The following ATP10B variants were observed in gnomAD, a reference collection of about 807,000 sequenced individuals.
ATP10B encodes phospholipid-transporting ATPase VB.
In ATP10B, 122 loss-of-function variants were observed where a neutral mutation model predicts 141.2. That is an observed-to-expected ratio of 0.86 (90% CI 0.75 to 1.00). ATP10B has a LOEUF of 1.00. Among genes scored for constraint, ATP10B ranks in the 50% least tolerant of loss-of-function variants. The probability of loss-of-function intolerance (pLI) is 0.00; values close to 1 mark genes in which losing one functional copy is unlikely to be tolerated. For missense variants in ATP10B, 1,876 were observed against 1,825.3 expected (o/e 1.03, Z -0.51); for synonymous variants, 685 against 692.0 (o/e 0.99, Z 0.16).
At chr5:160,798,702 C>G (rs1412409806) in intron 1 of ATP10B, among the ~76,000 whole-genome samples, 1 of 151,568 alleles carries the variant, frequency 6.6e-6, no homozygotes, top group East Asian at 1.9e-4. Flanking sequence ...CATGGCAGCC[C>G]TAGGAAACTA....
intron 2 of ATP10B, among the ~76,000 whole-genome samples, chr5:160,728,886 G>A (rs879338684): frequency 6.6e-6 from 1 of 152,186 alleles, no homozygotes; most frequent in Non-Finnish European, 1.5e-5. Flanking sequence ...CACTGGGCTG[G>A]GACAGCAGGA....
chr5:160,914,062 A>C, the ATP10B span, among the ~76,000 whole-genome samples: 1 of 152,366 alleles, frequency 6.6e-6, no homozygotes, highest in Admixed American at 6.5e-5. Flanking sequence ...AGGTTGAAAA[A>C]GTAAAATTCT....
chr5:160,639,528 C>T (rs1759668690), intron 10 of ATP10B, among the ~76,000 whole-genome samples: 1 of 152,078 alleles, frequency 6.6e-6, no homozygotes, highest in Admixed American at 6.6e-5. Flanking sequence ...ACTCTGAAGA[C>T]TGAGGAAGGA....
chr5:160,668,204 TG>T (rs1762440003), intron 7 of ATP10B, among the ~76,000 whole-genome samples: 2 of 129,016 alleles, frequency 1.6e-5, no homozygotes, highest in Admixed American at 1.8e-4. Context: ...TACTCTAGCT[TG>T]GGTAACAGAG....
chr5:160,910,628 C>T, the ATP10B span, among the ~76,000 whole-genome samples: 4 of 152,286 alleles, frequency 2.6e-5, no homozygotes, highest in African/African-American at 9.6e-5. Context: ...TGTATTTCAT[C>T]ACCAAGACTG....
chr5:160,868,204 T>C, the ATP10B span, among the ~76,000 whole-genome samples: 1 of 152,132 alleles, frequency 6.6e-6, no homozygotes. Flanking sequence ...TAGCAGCTAA[T>C]TTTGCACAAA....
chr5:160,824,459 G>A (rs1331762213), intron 1 of ATP10B, among the ~76,000 whole-genome samples: 1 of 152,216 alleles, frequency 6.6e-6, no homozygotes, highest in East Asian at 1.9e-4. Flanking sequence ...AGAAGGTCAT[G>A]TCTTCTTTGA....
the ATP10B span, among the ~76,000 whole-genome samples, chr5:160,886,244 A>C: frequency 6.6e-6 from 1 of 152,248 alleles, no homozygotes; most frequent in African/African-American, 2.4e-5. Flanking sequence ...ACATGGGTGC[A>C]CAGAGAAAAT....
At chr5:160,596,175 A>G (rs576594170) in intron 22 of ATP10B, among the ~76,000 whole-genome samples, 2 of 152,364 alleles carry the variant, frequency 1.3e-5, no homozygotes, top group South Asian at 2.1e-4. Context: ...CCAGCAGCAC[A>G]TCAAAAAACT....
Position 160,625,833 on chromosome 5 carries a change from T to C in ATP10B, c.1621-3248A>G, listed in dbSNP as rs554555408. 1.2e-3 allele frequency among the ~76,000 whole-genome samples: 176 copies of C among 152,322 alleles called. 2 individuals carry two copies. The highest frequency in any genetic ancestry group is 4.0e-3 in the African/African-American group (167 of 41,546). On this transcript the variant is annotated intron_variant, in intron 13 of 25. Coordinates refer to ENST00000327245, the MANE Select transcript of ATP10B (RefSeq NM_025153.3). ...TTTGTTAACTGACTCCTTTCTAGGA[T>C]ACCACAATAGCTCACCACTGATTAA...
chr5:160,598,774 G>T lies in ATP10B; in HGVS notation c.3560C>A (p.Ser1187Tyr). The change falls in exon 22 of 26, where the codon TCT becomes TAT. Residue 1187 changes from serine (S) to tyrosine (Y), a missense_variant. Transcript: ENST00000327245. ...TTGGCTGCCCGATCTCCTTACCTCA[G>T]AGTTCTGGCCACTCTTGTATAGCTC... ...LPELYKSGQNSECYNLSTFWI... is the reference protein window; with the variant it reads ...LPELYKSGQNYECYNLSTFWI... The T allele has an allele frequency of 2.5e-6, 4 of 1,614,022 alleles. No homozygotes were observed. The highest frequency in any genetic ancestry group is 3.4e-6 in the Non-Finnish European group (4 of 1,179,948).
intron 2 of ATP10B, among the ~76,000 whole-genome samples, chr5:160,740,419 A>G (rs140214633): frequency 5.6e-4 from 85 of 152,280 alleles, no homozygotes; most frequent in African/African-American, 1.8e-3. Flanking sequence ...AAAGCATTCC[A>G]TTCCATTTTG....
chr5:160,872,853 C>T, the ATP10B span, among the ~76,000 whole-genome samples: 21,094 of 151,996 alleles, frequency 0.14, 1,574 homozygotes, highest in African/African-American at 0.19. Context: ...TTTGACTATG[C>T]GGTCTTTTGT....
At chr5:160,882,685 A>G in the ATP10B span, among the ~76,000 whole-genome samples, 4 of 152,198 alleles carry the variant, frequency 2.6e-5, no homozygotes, top group Non-Finnish European at 5.9e-5. Context: ...AAATGTCATA[A>G]AATTTGTCAA....
At chr5:160,833,087 C>G (rs985553782) in intron 1 of ATP10B, among the ~76,000 whole-genome samples, 1 of 152,136 alleles carries the variant, frequency 6.6e-6, no homozygotes, top group Non-Finnish European at 1.5e-5. Flanking sequence ...AAGCATCAGT[C>G]TACTGAAGGC....
At chr5:160,724,537 C>A (rs949141025) in intron 2 of ATP10B, among the ~76,000 whole-genome samples, 1 of 152,100 alleles carries the variant, frequency 6.6e-6, no homozygotes, top group Non-Finnish European at 1.5e-5. Flanking sequence ...ACTATAATTC[C>A]TTTGTATTTG....
At chr5:160,733,665 T>TG (rs1561799267) in intron 2 of ATP10B, among the ~76,000 whole-genome samples, 134 of 148,454 alleles carry the variant, frequency 9.0e-4, no homozygotes, top group Middle Eastern at 3.5e-3. Flanking sequence ...ATATGTAACG[T>TG]TATATATATA....
intron 2 of ATP10B, among the ~76,000 whole-genome samples, chr5:160,775,641 G>GT (rs1453513423): frequency 2.0e-5 from 3 of 150,594 alleles, no homozygotes; most frequent in Admixed American, 2.0e-4. Flanking sequence ...AGCTACATGG[G>GT]TTCAAGAACT....
the ATP10B span, among the ~76,000 whole-genome samples, chr5:160,882,918 A>G: frequency 6.6e-6 from 1 of 152,144 alleles, no homozygotes; most frequent in Admixed American, 6.5e-5. Flanking sequence ...GTAAGAATGC[A>G]GAAGAAAAAA....
Sources: allele counts gnomAD v4.1 joint callset (sites outside exome capture counted in the v4.1 genomes callset), GRCh38; gene constraint gnomAD v4.1.1; transcripts MANE v1.5; gene names NCBI Gene and HGNC (gene_info 2026-07-23, HGNC 2026-07-21).